Variants in ADCY8 observed in about 807,000 individuals in gnomAD.
ADCY8 encodes adenylate cyclase 8.
Under a neutral mutation model 119.7 loss-of-function variants are expected in ADCY8, and 51 were observed. The ratio of observed to expected loss-of-function variants is 0.43; its 90% CI spans 0.34 to 0.54. The LOEUF (loss-of-function observed/expected upper bound fraction) is 0.54. Among genes scored for constraint, ADCY8 ranks in the 20% least tolerant of loss-of-function variants. The pLI, the probability that ADCY8 is intolerant of heterozygous loss-of-function variation, is 0.03. For missense variants in ADCY8, 1,383 were observed against 1,598.8 expected (o/e 0.87, Z 2.30); for synonymous variants, 665 against 651.0 (o/e 1.02, Z -0.33).
At chr8:130,979,831 C>T (rs1822185561) in intron 2 of ADCY8, among the ~76,000 whole-genome samples, 1 of 152,152 alleles carries the variant, frequency 6.6e-6, no homozygotes, top group East Asian at 1.9e-4. Context: ...TACTTCCATC[C>T]AGGCAATGTT....
chr8:130,968,201 C>T (rs1482451294), intron 2 of ADCY8, among the ~76,000 whole-genome samples: 1 of 150,012 alleles, frequency 6.7e-6, no homozygotes, highest in Non-Finnish European at 1.5e-5. Context: ...GACAGGGTCT[C>T]GCTCTGTCAC....
At chr8:130,842,979 T>C (rs1817193437) in intron 11 of ADCY8, among the ~76,000 whole-genome samples, 2 of 152,130 alleles carry the variant, frequency 1.3e-5, no homozygotes, top group African/African-American at 2.4e-5. Flanking sequence ...CCTCCTCCTT[T>C]TGATGCCAGT....
intron 5 of ADCY8, among the ~76,000 whole-genome samples, chr8:130,928,831 C>A (rs184917659): frequency 6.6e-6 from 1 of 152,100 alleles, no homozygotes; most frequent in Admixed American, 6.5e-5. Context: ...AACAGTTTTC[C>A]CTCTTCAATT....
intron 3 of ADCY8, among the ~76,000 whole-genome samples, chr8:130,947,067 G>C (rs1198688851): frequency 6.6e-6 from 1 of 152,098 alleles, no homozygotes; most frequent in Non-Finnish European, 1.5e-5. Flanking sequence ...AGCTTTCCAG[G>C]ATGAATATAC....
At chr8:131,002,502 G>A (rs1586646505) in intron 1 of ADCY8, among the ~76,000 whole-genome samples, 1 of 152,198 alleles carries the variant, frequency 6.6e-6, no homozygotes, top group Admixed American at 6.5e-5. Flanking sequence ...TGCCAGGGTC[G>A]TGGGCTTTTC....
intron 1 of ADCY8, among the ~76,000 whole-genome samples, chr8:130,996,074 T>C (rs79707709): frequency 0.063 from 9,562 of 152,138 alleles, 892 homozygotes; most frequent in African/African-American, 0.2. Context: ...AGAACAATGA[T>C]CTTACAATAG....
In ADCY8 at chr8:130,990,418, C is replaced by G; in HGVS notation, c.1085G>C (p.Arg362Pro). The change falls in exon 2 of 18, where the codon CGC (arginine) becomes CCC (proline). Residue 362 changes from arginine to proline, a missense_variant. Physicochemically the swap from Arg to Pro is moderately radical, Grantham distance 103. Coordinates refer to ENST00000286355, the MANE Select transcript of ADCY8 (RefSeq NM_001115.3). ...ETRRCVEARL[R>P]LETENQRQER... ...CTGTCTTTGGTTCTCTGTCTCCAGG[C>G]GCAGCCTGGCCTCCACACACCTCCG... is the stretch of plus-strand genomic sequence containing the variant. The G allele has an allele frequency of 6.2e-7, 1 of 1,614,156 alleles. No individual in the cohort carries two copies. Among genetic ancestry groups the G allele is most frequent in the Non-Finnish European group, 8.5e-7 (1 of 1,180,002 alleles).
intron 5 of ADCY8, among the ~76,000 whole-genome samples, chr8:130,925,082 G>A (rs1480352184): frequency 1.3e-5 from 2 of 151,858 alleles, no homozygotes; most frequent in African/African-American, 4.8e-5. Flanking sequence ...GCATGCGCCT[G>A]TAGTCCCAGC....
At chr8:130,833,102 G>A (rs751402031) in intron 12 of ADCY8, among the ~76,000 whole-genome samples, 33 of 152,212 alleles carry the variant, frequency 2.2e-4, no homozygotes, top group Non-Finnish European at 4.0e-4. Flanking sequence ...TATATCCATG[G>A]CCACTAACCA....
intron 15 of ADCY8, among the ~76,000 whole-genome samples, chr8:130,794,018 TAAG>T (rs1815502337): frequency 1.3e-5 from 2 of 152,160 alleles, no homozygotes; most frequent in East Asian, 3.9e-4. Context: ...GGTGTCCTAA[TAAG>T]AAGAGGAGAG....
intron 11 of ADCY8, among the ~76,000 whole-genome samples, chr8:130,846,888 T>TTCCTTCCTGCCTGCCTGCCTGCCTGCC (rs56726941): frequency 5.0e-5 from 1 of 19,854 alleles, no homozygotes; most frequent in African/African-American, 2.5e-4. Flanking sequence ...TTCCCTTCCC[T>TTCCTTCCTGCCTGCCTGCCTGCCTGCC]TTCCTTCCTT....
At chr8:130,890,153 C>T (rs888340844) in intron 7 of ADCY8, among the ~76,000 whole-genome samples, 2 of 146,718 alleles carry the variant, frequency 1.4e-5, no homozygotes, top group African/African-American at 5.0e-5. Flanking sequence ...AGAAGATTGT[C>T]GAACACATGG....
At chr8:130,849,387 C>G (rs778594629) in intron 10 of ADCY8, among the ~76,000 whole-genome samples, 1 of 152,152 alleles carries the variant, frequency 6.6e-6, no homozygotes, top group Admixed American at 6.5e-5. Flanking sequence ...AGAAAATAAC[C>G]TATCCCACTG....
chr8:130,945,200 G>C (rs920359888), intron 3 of ADCY8, among the ~76,000 whole-genome samples: 1 of 152,184 alleles, frequency 6.6e-6, no homozygotes, highest in Admixed American at 6.5e-5. Flanking sequence ...AGAGAGATGA[G>C]GTCAGAAATA....
intron 5 of ADCY8, among the ~76,000 whole-genome samples, chr8:130,916,239 T>C (rs1414382806): frequency 6.6e-6 from 1 of 152,228 alleles, no homozygotes; most frequent in African/African-American, 2.4e-5. Flanking sequence ...TGTGGACTAC[T>C]GGGGTCTGAG....
chr8:130,956,043 G>A (rs1305906619), intron 2 of ADCY8, among the ~76,000 whole-genome samples: 3 of 152,158 alleles, frequency 2.0e-5, no homozygotes, highest in Non-Finnish European at 4.4e-5. Context: ...TACTTGGGAG[G>A]CTGAGGTGGG....
chr8:130,938,217 A>G (rs1820847923), intron 4 of ADCY8, among the ~76,000 whole-genome samples: 1 of 152,142 alleles, frequency 6.6e-6, no homozygotes, highest in African/African-American at 2.4e-5. Context: ...CTCATCTATC[A>G]AATGGGGATA....
chr8:131,030,056 T>C (rs1006023713), intron 1 of ADCY8, among the ~76,000 whole-genome samples: 2 of 152,204 alleles, frequency 1.3e-5, no homozygotes, highest in African/African-American at 4.8e-5. Flanking sequence ...GAGAACGTTA[T>C]GACATTGCTC....
At chr8:130,856,212 C>G (rs1323564028) in intron 9 of ADCY8, among the ~76,000 whole-genome samples, 3 of 152,016 alleles carry the variant, frequency 2.0e-5, no homozygotes, top group African/African-American at 4.8e-5. Context: ...CGAATCCCAG[C>G]TTACACCTTT....
Sources: allele counts gnomAD v4.1 joint callset (sites outside exome capture counted in the v4.1 genomes callset), GRCh38; gene constraint gnomAD v4.1.1; transcripts MANE v1.5; gene names NCBI Gene and HGNC (gene_info 2026-07-23, HGNC 2026-07-21).